The following STIM2 variants were observed in gnomAD, a reference collection of about 807,000 sequenced individuals.
The protein encoded by STIM2 is stromal interaction molecule 2.
In STIM2, 31 loss-of-function variants were observed where a neutral mutation model predicts 85.8. That is an observed-to-expected ratio of 0.36 (90% CI 0.27 to 0.49). The LOEUF is 0.49. Ranked by LOEUF, STIM2 falls within the 20% of genes least tolerant of loss-of-function variation. STIM2 has a pLI of 0.98. For missense variants in STIM2, 841 were observed against 927.6 expected (o/e 0.91, Z 1.21); for synonymous variants, 356 against 331.1 (o/e 1.08, Z -0.82).
chr4:27,008,945 G>T lies in STIM2; in HGVS notation c.1432G>T (p.Ala478Ser), dbSNP rs1420505485. The change falls in exon 10 of 12, where the codon GCT becomes TCT. Residue 478 changes from alanine (A) to serine (S), a missense_variant. Physicochemically the swap from Ala to Ser is moderately conservative, Grantham distance 99 (BLOSUM62 1). This residue lies in a region of STIM2 where 408 missense variants were observed against 525.4 expected (regional missense o/e 0.78). Transcript: ENST00000467087. ...AGTCTCCATTCCACCCTATCCAATT[G>T]CTGGAGGAGTTGATGACTTAGATGA... The T allele has an allele frequency of 6.2e-7, 1 of 1,614,052 alleles. No individual in the cohort carries two copies. The highest frequency in any genetic ancestry group is 8.5e-7 in the Non-Finnish European group (1 of 1,180,014).
intron 1 of STIM2, among the ~76,000 whole-genome samples, chr4:26,898,820 T>A (rs964801098): frequency 6.6e-6 from 1 of 152,148 alleles, no homozygotes; most frequent in African/African-American, 2.4e-5. Context: ...TTGATGACAT[T>A]AAAAAATTCA....
At chr4:26,958,603 C>A (rs1190666373) in intron 3 of STIM2, among the ~76,000 whole-genome samples, 1 of 152,100 alleles carries the variant, frequency 6.6e-6, no homozygotes, top group Non-Finnish European at 1.5e-5. Context: ...AGCTTGCTTA[C>A]ATGTGTTTCT....
At chr4:26,990,406 C>A (rs905600781) in intron 3 of STIM2, among the ~76,000 whole-genome samples, 2 of 152,064 alleles carry the variant, frequency 1.3e-5, no homozygotes, top group Non-Finnish European at 2.9e-5. Flanking sequence ...TATCTCTATG[C>A]AGAAGAATGA....
At chr4:26,952,798 C>G (rs1254484161) in intron 2 of STIM2, among the ~76,000 whole-genome samples, 1 of 152,108 alleles carries the variant, frequency 6.6e-6, no homozygotes, top group East Asian at 1.9e-4. Context: ...TCCAGGTGAG[C>G]ATGGTGGTGA....
intron 1 of STIM2, among the ~76,000 whole-genome samples, chr4:26,873,274 C>G (rs1362545950): frequency 6.6e-6 from 1 of 152,102 alleles, no homozygotes; most frequent in Non-Finnish European, 1.5e-5. Flanking sequence ...TGGTGAGTGC[C>G]TGTAATCCCA....
At chr4:27,019,914 T>C (rs1409686839) in intron 11 of STIM2, among the ~76,000 whole-genome samples, 2 of 152,240 alleles carry the variant, frequency 1.3e-5, no homozygotes, top group East Asian at 1.9e-4. Flanking sequence ...TTATGTCTTA[T>C]TATCCAAGTC....
chr4:26,946,223 A>T (rs929730000), intron 2 of STIM2, among the ~76,000 whole-genome samples: 2 of 152,208 alleles, frequency 1.3e-5, no homozygotes, highest in Non-Finnish European at 2.9e-5. Context: ...TTGAGTAATG[A>T]GTTAAGATTT....
chr4:26,935,243 A>G (rs891112623), intron 2 of STIM2, among the ~76,000 whole-genome samples: 2 of 152,168 alleles, frequency 1.3e-5, no homozygotes, highest in Non-Finnish European at 2.9e-5. Context: ...GGGTATGTGT[A>G]AGGTATTTTG....
chr4:26,967,887 A>G (rs187727518), intron 3 of STIM2, among the ~76,000 whole-genome samples: 207 of 152,308 alleles, frequency 1.4e-3, no homozygotes, highest in African/African-American at 4.8e-3. Context: ...GCTTGACACG[A>G]GAAATATGAT....
chr4:27,013,741 T>C, intron 10 of STIM2, among the ~76,000 whole-genome samples: 1 of 152,050 alleles, frequency 6.6e-6, no homozygotes, highest in South Asian at 2.1e-4. Flanking sequence ...TGTAAAACAC[T>C]TGGAACCAGC....
chr4:26,967,962 T>C (rs1360203057), intron 3 of STIM2, among the ~76,000 whole-genome samples: 1 of 152,036 alleles, frequency 6.6e-6, no homozygotes, highest in Non-Finnish European at 1.5e-5. Context: ...GGAAGATCAG[T>C]AGTTTGAGAC....
chr4:26,927,442 A>G (rs1724987440), intron 2 of STIM2, among the ~76,000 whole-genome samples: 2 of 31,700 alleles, frequency 6.3e-5, no homozygotes, highest in African/African-American at 2.4e-4. Context: ...AAAAAACCAA[A>G]CACCGCATAT....
intron 3 of STIM2, among the ~76,000 whole-genome samples, chr4:26,971,886 T>C (rs1346057649): frequency 1.3e-5 from 2 of 152,344 alleles, no homozygotes; most frequent in East Asian, 3.9e-4. Flanking sequence ...GGAATATTCT[T>C]CCATTTGTTT....
chr4:26,885,753 T>A (rs1402986293), intron 1 of STIM2, among the ~76,000 whole-genome samples: 3 of 145,960 alleles, frequency 2.1e-5, no homozygotes, highest in African/African-American at 7.5e-5. Context: ...ATAAGAGCAG[T>A]AAAACTGAAA....
At chr4:26,981,033 AC>A (rs1192474887) in intron 3 of STIM2, among the ~76,000 whole-genome samples, 1 of 152,224 alleles carries the variant, frequency 6.6e-6, no homozygotes, top group East Asian at 1.9e-4. Flanking sequence ...AAATACTAAT[AC>A]CTACAGAAAC....
At chr4:26,945,646 C>T (rs1257979403) in intron 2 of STIM2, among the ~76,000 whole-genome samples, 2 of 152,154 alleles carry the variant, frequency 1.3e-5, no homozygotes, top group Non-Finnish European at 2.9e-5. Context: ...GCCATTCTGA[C>T]TGGTGTGCAG....
At chr4:26,969,460 G>A (rs1726850670) in intron 3 of STIM2, among the ~76,000 whole-genome samples, 1 of 152,208 alleles carries the variant, frequency 6.6e-6, no homozygotes. Context: ...GACTTTTAAT[G>A]ATAGTGCTAC....
intron 1 of STIM2, among the ~76,000 whole-genome samples, chr4:26,910,697 A>G (rs1724303845): frequency 6.6e-6 from 1 of 151,840 alleles, no homozygotes; most frequent in East Asian, 1.9e-4. Flanking sequence ...CTTTTTGGAT[A>G]GAGGAGTATG....
intron 1 of STIM2, among the ~76,000 whole-genome samples, chr4:26,911,121 C>T (rs1724318899): frequency 6.6e-6 from 1 of 151,902 alleles, no homozygotes; most frequent in South Asian, 2.1e-4. Context: ...CCTGTAGTCC[C>T]AGCTACTCAG....
Sources: gnomAD v4.1 joint callset for allele counts (sites outside exome capture counted in the v4.1 genomes callset) on GRCh38, gnomAD v4.1.1 for gene constraint, gnomAD v4.1.1 regional missense constraint, MANE v1.5 for transcripts, NCBI Gene and HGNC (gene_info 2026-07-23, HGNC 2026-07-21) for gene names.